CRYBG1: variants seen among roughly 807,000 people sequenced by gnomAD.
The protein encoded by CRYBG1 is beta/gamma crystallin domain-containing protein 1.
In CRYBG1, 139 loss-of-function variants were observed where a neutral mutation model predicts 189.2. That is an observed-to-expected ratio of 0.73 (90% CI 0.64 to 0.85). The LOEUF (loss-of-function observed/expected upper bound fraction) is 0.85. Among genes scored for constraint, CRYBG1 ranks in the 40% least tolerant of loss-of-function variants. CRYBG1 has a pLI of 0.00. For synonymous variants in CRYBG1, 1,023 were observed against 1,017.1 expected, an observed-to-expected ratio of 1.01 and a Z score of -0.11; for missense variants, 2,611 against 2,675.8, an observed-to-expected ratio of 0.98 and a Z score of 0.53.
chr6:106,499,656 C>G (rs1468456919), intron 2 of CRYBG1, among the ~76,000 whole-genome samples: 1 of 151,992 alleles, frequency 6.6e-6, no homozygotes, highest in African/African-American at 2.4e-5. Flanking sequence ...TCCATCACCT[C>G]AGATACTTAT....
At chr6:106,492,047 C>T (rs962864294) in intron 2 of CRYBG1, among the ~76,000 whole-genome samples, 22 of 152,154 alleles carry the variant, frequency 1.4e-4, no homozygotes, top group Admixed American at 4.6e-4. Context: ...TTAAATCCAT[C>T]CTTTAAGGCT....
chr6:106,440,087 G>A (rs1300128618), intron 1 of CRYBG1, among the ~76,000 whole-genome samples: 3 of 152,178 alleles, frequency 2.0e-5, no homozygotes, highest in East Asian at 1.9e-4. Context: ...CAGGGAAGAC[G>A]TGGGGCTGGT....
chr6:106,511,219 C>A (rs1773251061), intron 2 of CRYBG1, among the ~76,000 whole-genome samples: 2 of 152,204 alleles, frequency 1.3e-5, no homozygotes, highest in African/African-American at 4.8e-5. Flanking sequence ...GCTATTCTGA[C>A]TACTGCCAGA....
intron 2 of CRYBG1, among the ~76,000 whole-genome samples, chr6:106,503,057 G>A (rs1773042102): frequency 6.6e-6 from 1 of 152,230 alleles, no homozygotes; most frequent in Non-Finnish European, 1.5e-5. Context: ...AGAGGGGAAA[G>A]CGGCTCGGGA....
At chr6:106,549,418 C>T (rs1774348017) in intron 13 of CRYBG1, among the ~76,000 whole-genome samples, 1 of 152,110 alleles carries the variant, frequency 6.6e-6, no homozygotes, top group Non-Finnish European at 1.5e-5. Context: ...AGCCAGGTCT[C>T]CTATCTCCTC....
At chr6:106,418,285 G>A (rs1771061965) in intron 1 of CRYBG1, among the ~76,000 whole-genome samples, 2 of 152,154 alleles carry the variant, frequency 1.3e-5, no homozygotes. Flanking sequence ...TTGGTTAAAA[G>A]GCATTATTCA....
intron 4 of CRYBG1, among the ~76,000 whole-genome samples, chr6:106,523,331 T>C (rs1773653255): frequency 6.6e-6 from 1 of 152,146 alleles, no homozygotes; most frequent in African/African-American, 2.4e-5. Context: ...AATAGAAATA[T>C]TAACTATTTC....
At chr6:106,531,912 G>A (rs1432317387) in intron 8 of CRYBG1, among the ~76,000 whole-genome samples, 1 of 152,134 alleles carries the variant, frequency 6.6e-6, no homozygotes, top group African/African-American at 2.4e-5. Context: ...ATATACAAAG[G>A]TGTAGTTACT....
intron 17 of CRYBG1, among the ~76,000 whole-genome samples, chr6:106,557,071 T>G (rs991754192): frequency 2.0e-5 from 3 of 152,256 alleles, no homozygotes; most frequent in Admixed American, 6.5e-5. Context: ...ATATGAAGAC[T>G]ACATATCTTT....
intron 2 of CRYBG1, among the ~76,000 whole-genome samples, chr6:106,478,218 G>T (rs960272145): frequency 6.6e-6 from 1 of 152,226 alleles, no homozygotes; most frequent in African/African-American, 2.4e-5. Flanking sequence ...TAATGAGGGT[G>T]CACAAAAATT....
At chr6:106,482,657 C>T (rs1184226387) in intron 2 of CRYBG1, among the ~76,000 whole-genome samples, 3 of 152,116 alleles carry the variant, frequency 2.0e-5, no homozygotes, top group Non-Finnish European at 2.9e-5. Flanking sequence ...CACCTGTATT[C>T]CCAGCTACTT....
chr6:106,493,811 G>GGGGAAGGGAGAGAATC (rs1474960585), intron 2 of CRYBG1, among the ~76,000 whole-genome samples: 4 of 152,130 alleles, frequency 2.6e-5, no homozygotes, highest in Admixed American at 1.3e-4. Flanking sequence ...CAGCAGGGGA[G>GGGGAAGGGAGAGAATC]GGGAAGGGAG....
chr6:106,519,613 C>G lies in CRYBG1; in HGVS notation c.2405C>G (p.Ser802Cys). The G allele has an allele frequency of 6.2e-7, 1 of 1,614,228 alleles. No individual in the cohort carries two copies. Among genetic ancestry groups the G allele is most frequent in the Admixed American group, 1.7e-5 (1 of 60,036 alleles). Residue 802 changes from serine (S) to cysteine (C), a missense_variant, in exon 4 of 22, where the codon TCT becomes TGT. By Grantham distance (112) the Ser-to-Cys change is moderately radical (BLOSUM62 -1). This residue lies in a region of CRYBG1 where 1,622 missense variants were observed against 1,735.0 expected (regional missense o/e 0.93). Transcript: ENST00000633556. Reference protein sequence around the residue: ...DAGCLSEPVASALIPVKDHKL... With the variant: ...DAGCLSEPVACALIPVKDHKL... Reference sequence around the variant, plus strand: ...GGCTGCCTTTCAGAACCAGTGGCTTCTGCTCTGATTCCTGTCAAGGATCAT... The same window carrying G: ...GGCTGCCTTTCAGAACCAGTGGCTTGTGCTCTGATTCCTGTCAAGGATCAT...
intron 2 of CRYBG1, among the ~76,000 whole-genome samples, chr6:106,510,587 T>C (rs1301702740): frequency 1.3e-5 from 2 of 152,120 alleles, no homozygotes; most frequent in Non-Finnish European, 2.9e-5. Flanking sequence ...GAACCACACG[T>C]GTGGCGAGGA....
chr6:106,392,920 G>C (rs181995945), intron 1 of CRYBG1, among the ~76,000 whole-genome samples: 80 of 152,102 alleles, frequency 5.3e-4, no homozygotes, highest in Admixed American at 1.2e-3. Context: ...GGTTATAGGT[G>C]CGTGCCACCA....
rs1400317021 is a variant in CRYBG1 at position 106,563,761 on chromosome 6, C to G, written c.6139-3C>G. On this transcript the variant is annotated splice_polypyrimidine_tract_variant and splice_region_variant and intron_variant, in intron 20 of 21. Coordinates refer to ENST00000633556, the MANE Select transcript of CRYBG1 (RefSeq NM_001371242.2). ...AAGATATCTGGTCTTTTCCACTGAGCAGATAGCAGAAGACTGCTGCCTGAC... is the reference window on the plus strand; with the variant it reads ...AAGATATCTGGTCTTTTCCACTGAGGAGATAGCAGAAGACTGCTGCCTGAC... 1 of 1,598,984 alleles carries G rather than the reference C, an allele frequency of 6.3e-7. No homozygotes were observed. Among genetic ancestry groups the G allele is most frequent in the Non-Finnish European group, 8.6e-7 (1 of 1,167,186 alleles).
chr6:106,497,337 C>A (rs554312352), intron 2 of CRYBG1, among the ~76,000 whole-genome samples: 1 of 152,202 alleles, frequency 6.6e-6, no homozygotes, highest in Non-Finnish European at 1.5e-5. Context: ...TTCACCCCAA[C>A]GAGAGGAAGT....
intron 1 of CRYBG1, among the ~76,000 whole-genome samples, chr6:106,424,662 A>G (rs1382270678): frequency 3.3e-5 from 5 of 151,992 alleles, no homozygotes; most frequent in Non-Finnish European, 5.9e-5. Flanking sequence ...GGGTTTCACC[A>G]TGTTTGCCAG....
intron 1 of CRYBG1, among the ~76,000 whole-genome samples, chr6:106,374,577 C>G (rs2114306023): frequency 6.6e-6 from 1 of 152,050 alleles, no homozygotes; most frequent in East Asian, 1.9e-4. Context: ...CAAATATGCT[C>G]AAGACAGAGG....
Sources: gnomAD v4.1 joint callset for allele counts (sites outside exome capture counted in the v4.1 genomes callset) on GRCh38, gnomAD v4.1.1 for gene constraint, gnomAD v4.1.1 regional missense constraint, MANE v1.5 for transcripts, NCBI Gene and HGNC (gene_info 2026-07-23, HGNC 2026-07-21) for gene names.